The following BTBD1 variants were observed in gnomAD, a reference collection of about 807,000 sequenced individuals.
BTBD1 encodes the protein BTB domain containing 1.
A neutral mutation model predicts 48.0 loss-of-function variants in BTBD1; 34 were observed. That is an observed-to-expected ratio of 0.71 (90% CI 0.54 to 0.94). BTBD1 has a LOEUF of 0.94. Among genes scored for constraint, BTBD1 ranks in the 40% least tolerant of loss-of-function variants. The pLI, the probability that BTBD1 is intolerant of heterozygous loss-of-function variation, is 0.00. For missense variants in BTBD1, 543 were observed against 625.6 expected (o/e 0.87, Z 1.41); for synonymous variants, 261 against 242.1 (o/e 1.08, Z -0.72).
At chr15:83,032,691 AG>A (rs965724001) in intron 4 of BTBD1, among the ~76,000 whole-genome samples, 1 of 152,168 alleles carries the variant, frequency 6.6e-6, no homozygotes, top group Non-Finnish European at 1.5e-5. Flanking sequence ...GAGGAGGCAA[AG>A]GCCTAAGAAT....
chr15:83,061,400 G>A (rs1567113999), intron 1 of BTBD1: 1 of 152,210 alleles, frequency 6.6e-6, no homozygotes, highest in Non-Finnish European at 1.5e-5. Flanking sequence ...AATAACAGAA[G>A]TATATATTAG....
chr15:83,048,134 A>G (rs2032913029), intron 3 of BTBD1, among the ~76,000 whole-genome samples: 1 of 152,202 alleles, frequency 6.6e-6, no homozygotes. Context: ...TAGAGCCATG[A>G]GCACCTGCTG....
chr15:83,041,916 CAG>C lies in BTBD1; in HGVS notation c.672_673del (p.Ala226SerfsTer38), dbSNP rs1417383296. The C allele has an allele frequency of 1.9e-6, 3 of 1,613,936 alleles. No homozygotes were observed. The highest frequency in any genetic ancestry group is 2.5e-6 in the Non-Finnish European group (3 of 1,179,986). ...GAGTGTGTCTCTCTCTAAAACTGCA[CAG>C]AGTGTATCTATAGGCAAAATACAAA... On this transcript the variant is annotated frameshift_variant, in exon 4 of 8. Coordinates refer to ENST00000261721, the MANE Select transcript of BTBD1 (RefSeq NM_025238.4). LOFTEE classifies it high-confidence loss of function.
chr15:83,059,553 C>T (rs541574348), intron 1 of BTBD1, among the ~76,000 whole-genome samples: 3 of 151,588 alleles, frequency 2.0e-5, no homozygotes, highest in East Asian at 3.9e-4. Flanking sequence ...TCAAAAACAA[C>T]AACAACAACA....
intron 5 of BTBD1, among the ~76,000 whole-genome samples, chr15:83,025,804 C>G (rs1224957238): frequency 6.6e-6 from 1 of 152,044 alleles, no homozygotes; most frequent in African/African-American, 2.4e-5. Flanking sequence ...GAGTCTCACT[C>G]TGTCACCCAG....
chr15:83,024,060 G>C (rs1301117992), intron 5 of BTBD1: 1 of 152,060 alleles, frequency 6.6e-6, no homozygotes, highest in African/African-American at 2.4e-5. Flanking sequence ...TGTAGAGATG[G>C]GGGTTTCACC....
intron 3 of BTBD1, among the ~76,000 whole-genome samples, chr15:83,042,376 A>G (rs1443541315): frequency 8.2e-6 from 1 of 121,778 alleles, no homozygotes; most frequent in African/African-American, 3.3e-5. Context: ...ATATATATAT[A>G]TGTATGTATA....
In BTBD1 at chr15:83,036,160, GAA is replaced by G. The variant is rs35994386; in HGVS notation, c.862+5566_862+5567del. On this transcript the variant is annotated intron_variant, in intron 4 of 7. Transcript: ENST00000261721. ...ATTCCTCTAAAAGAAAGCAAGAAAG[GAA>G]AAAAAAAAAAAAGATGTGACAAGTA... Among the ~76,000 whole-genome samples, 344 of 126,780 alleles carry G rather than the reference GAA, an allele frequency of 2.7e-3. 2 individuals carry two copies. Among genetic ancestry groups the G allele is most frequent in the African/African-American group, 7.8e-3 (267 of 34,220 alleles). The allele number at this position is 126,780 out of a possible 152,430, so 83.2% of individuals were successfully genotyped here.
intron 2 of BTBD1, among the ~76,000 whole-genome samples, chr15:83,051,877 T>TACACACACACACACACACACACAC (rs113253261): frequency 0.011 from 1,512 of 138,810 alleles, 28 homozygotes; most frequent in African/African-American, 0.029. Context: ...TCCATATATA[T>TACACACACACACACACACACACAC]ACACACACAC....
chr15:83,067,116 C>T lies in BTBD1; in HGVS notation c.36G>A (p.Gln12=). The change falls in exon 1 of 8, where the codon CAG becomes CAA. Residue 12 remains glutamine (Q), a synonymous_variant. Coordinates refer to ENST00000261721, the MANE Select transcript of BTBD1 (RefSeq NM_025238.4). The part of the protein sequence containing the change: ...ASLGPAAAGE[Q]ASGAEAEPGP... ...CCGGCTCCGCCTCAGCCCCCGACGC[C>T]TGCTCCCCAGCTGCGGCAGGCCCGA... 6.8e-7 allele frequency: 1 copy of T among 1,461,196 alleles called. No homozygotes were observed. Among genetic ancestry groups the T allele is most frequent in the Non-Finnish European group, 9.0e-7 (1 of 1,114,458 alleles). The allele number at this position is 1,461,196 out of a possible 1,614,324, so 90.5% of individuals were successfully genotyped here. A position where few individuals can be genotyped will look rare whatever the true frequency, so the allele number is the denominator to read the frequency against.
At position 83,041,918 on chromosome 15, in the gene BTBD1, G is replaced by C; in HGVS notation, c.672C>G (p.Leu224=). Residue 224 remains leucine (L), a synonymous_variant, in exon 4 of 8, where the codon CTC becomes CTG. Coordinates refer to ENST00000261721, the MANE Select transcript of BTBD1 (RefSeq NM_025238.4). ...EGFTDIDIDT[L]CAVLERDTLS... ...GTGTGTCTCTCTCTAAAACTGCACA[G>C]AGTGTATCTATAGGCAAAATACAAA... is the stretch of plus-strand genomic sequence containing the variant. The C allele has an allele frequency of 6.2e-7, 1 of 1,613,998 alleles. No individual in the cohort carries two copies. Among genetic ancestry groups the C allele is most frequent in the Non-Finnish European group, 8.5e-7 (1 of 1,179,930 alleles).
chr15:83,017,680 T>G lies in BTBD1; in HGVS notation c.*387A>C, dbSNP rs1480533249. 2.6e-5 allele frequency: 4 copies of G among 153,290 alleles called. No individual in the cohort carries two copies. Among genetic ancestry groups the G allele is most frequent in the Non-Finnish European group, 5.8e-5 (4 of 68,560 alleles). 9.5% of individuals were successfully genotyped at this position (153,290 alleles called of 1,614,324 possible). The stretch of plus-strand genomic sequence containing the variant: ...CAACCTTCAAAATAGTTAAGCCTAT[T>G]TGCCCATCTCACCTAACCTTCAAAA... On this transcript the variant is annotated 3_prime_UTR_variant, in exon 8 of 8. Coordinates refer to ENST00000261721, the MANE Select transcript of BTBD1 (RefSeq NM_025238.4).
chr15:83,041,795 T>C lies in BTBD1; in HGVS notation c.795A>G (p.Gln265=), dbSNP rs1168608048. 2 of 1,614,092 alleles carry C rather than the reference T, an allele frequency of 1.2e-6. No individual in the cohort carries two copies. The highest frequency in any genetic ancestry group is 1.1e-5 in the South Asian group (1 of 91,086). ...QQLPVTFGNK[Q]KVLGKALSLI... The stretch of plus-strand genomic sequence containing the variant: ...AGGAAAGTGCTTTTCCTAGAACTTT[T>C]TGTTTATTCCCAAAAGTCACAGGTA... Residue 265 remains glutamine, a synonymous_variant, in exon 4 of 8, where the codon CAA becomes CAG. Coordinates refer to ENST00000261721, the MANE Select transcript of BTBD1 (RefSeq NM_025238.4).
intron 4 of BTBD1, among the ~76,000 whole-genome samples, chr15:83,036,103 C>CAAAAAAAAAAAAAA (rs563839312): frequency 1.3e-5 from 1 of 75,120 alleles, no homozygotes; most frequent in Non-Finnish European, 2.5e-5. Flanking sequence ...GTATCATTAC[C>CAAAAAAAAAAAAAA]AAAAAAAAAA....
intron 1 of BTBD1, among the ~76,000 whole-genome samples, chr15:83,059,984 T>C (rs2033151385): frequency 6.6e-6 from 1 of 152,210 alleles, no homozygotes; most frequent in Admixed American, 6.5e-5. Flanking sequence ...TTCTTTTGGG[T>C]GCACTGCAAA....
chr15:83,035,634 C>T (rs1295031763), intron 4 of BTBD1, among the ~76,000 whole-genome samples: 1 of 151,824 alleles, frequency 6.6e-6, no homozygotes, highest in African/African-American at 2.4e-5. Context: ...ATAGGTTGAC[C>T]TTCTAAGTAT....
Position 83,067,153 on chromosome 15 carries a change from C to G in BTBD1, c.-2G>C. The G allele has an allele frequency of 7.0e-7, 1 of 1,422,068 alleles. No homozygotes were observed. Among genetic ancestry groups the G allele is most frequent in the Non-Finnish European group, 9.1e-7 (1 of 1,093,406 alleles). The allele number at this position is 1,422,068 out of a possible 1,614,324, so 88.1% of individuals were successfully genotyped here. A position where few individuals can be genotyped will look rare whatever the true frequency, so the allele number is the denominator to read the frequency against. On this transcript the variant is annotated 5_prime_UTR_variant, in exon 1 of 8. Transcript: ENST00000261721. ...TGCGGCAGGCCCGAGTGAGGCCATC[C>G]TCCAGCTGCGCGGTTGCCCACGTTA...
Position 83,050,182 on chromosome 15 carries a change from A to C in BTBD1, c.559-4T>G. 6.3e-7 allele frequency: 1 copy of C among 1,596,538 alleles called. No individual in the cohort carries two copies. The highest frequency in any genetic ancestry group is 8.6e-7 in the Non-Finnish European group (1 of 1,165,342). ...GAGGTTCATCAAATAATCGAGCCTAAACATATAAAGAGATAGTTATTTAAC... is the reference window on the plus strand; with the variant it reads ...GAGGTTCATCAAATAATCGAGCCTACACATATAAAGAGATAGTTATTTAAC... On this transcript the variant is annotated splice_region_variant and splice_polypyrimidine_tract_variant and intron_variant, in intron 2 of 7. Transcript: ENST00000261721.
At chr15:83,036,481 A>G (rs1450283462) in intron 4 of BTBD1, among the ~76,000 whole-genome samples, 1 of 152,210 alleles carries the variant, frequency 6.6e-6, no homozygotes, top group African/African-American at 2.4e-5. Context: ...TGATGAGTGT[A>G]AACTGTTACA....
Sources: gnomAD v4.1 joint callset for allele counts (sites outside exome capture counted in the v4.1 genomes callset) on GRCh38, gnomAD v4.1.1 for gene constraint, MANE v1.5 for transcripts, NCBI Gene and HGNC (gene_info 2026-07-23, HGNC 2026-07-21) for gene names.